The following KLC4 variants were observed in gnomAD, a reference collection of about 807,000 sequenced individuals.
KLC4 encodes the protein kinesin-like protein 8.
KLC4 carries 49 observed loss-of-function variants against 77.2 expected under a neutral mutation model. That is an observed-to-expected ratio of 0.63 (90% confidence interval 0.50 to 0.80). KLC4 has a LOEUF of 0.80. Among genes scored for constraint, KLC4 ranks in the 30% least tolerant of loss-of-function variants. The pLI, the probability that KLC4 is intolerant of heterozygous loss-of-function variation, is 0.00. For synonymous variants in KLC4, 274 were observed against 314.5 expected, an observed-to-expected ratio of 0.87 and a Z score of 1.36; for missense variants, 669 against 793.5, an observed-to-expected ratio of 0.84 and a Z score of 1.89.
At chr6:43,070,919 TG>T (rs1198029092) in intron 8 of KLC4, 54 bp downstream of exon 8, 6 of 70,398 alleles carry the variant, frequency 8.5e-5, no homozygotes, top group Middle Eastern at 3.7e-3. Flanking sequence ...GGCACAGAGG[TG>T]GGGGGAGGGG....
In KLC4 at chr6:43,074,609, T is replaced by C; in HGVS notation, c.1810-13T>C. The C allele has an allele frequency of 6.2e-7, 1 of 1,613,684 alleles. No homozygotes were observed. The highest frequency in any genetic ancestry group is 8.5e-7 in the Non-Finnish European group (1 of 1,179,638). On this transcript the variant is annotated splice_polypyrimidine_tract_variant and intron_variant, in intron 15 of 15. Transcript: ENST00000347162. ...AGGTCCCTGAGCTGATGGGGTAGTG[T>C]TGTCTGTTTCAGGTCTCCCGGGGCC...
chr6:43,070,756 A>G lies in KLC4; in HGVS notation c.1046A>G (p.Asn349Ser), dbSNP rs1765676146. ...AACAACCTGGCCCTCTTGTGCCAAA[A>G]CCAGGGCAAGTATGAGGCCGTGGAA... Reference protein sequence around the residue: ...QLNNLALLCQNQGKYEAVERY... With the variant: ...QLNNLALLCQSQGKYEAVERY... Residue 349 changes from asparagine to serine, a missense_variant, in exon 8 of 16, where the codon AAC becomes AGC. By Grantham distance (46) the Asn-to-Ser change is conservative (BLOSUM62 1). Coordinates refer to ENST00000347162, the MANE Select transcript of KLC4 (RefSeq NM_201521.3). 1 of 1,613,960 alleles carries G rather than the reference A, an allele frequency of 6.2e-7. No individual in the cohort carries two copies. The highest frequency in any genetic ancestry group is 1.3e-5 in the African/African-American group (1 of 74,888).
At position 43,070,879 on chromosome 6, in the gene KLC4, GACAAAGTA is replaced by G; in HGVS notation, c.1155+15_1155+22del. ...AAGAACAACCTGGTATGGGAGGAGG[GACAAAGTA>G]GGTGGAAGAAACGGAGAGGGGGGCA... On this transcript the variant is annotated intron_variant, in intron 8 of 15. Transcript: ENST00000347162. 1 of 1,205,160 alleles carries G rather than the reference GACAAAGTA, an allele frequency of 8.3e-7. No individual in the cohort carries two copies. The allele number at this position is 1,205,160 out of a possible 1,614,324, so 74.7% of individuals were successfully genotyped here.
intron 1 of KLC4, 67 bp from the exon 2 acceptor site, chr6:43,061,244 T>C: frequency 6.6e-7 from 1 of 1,513,984 alleles, no homozygotes. Context: ...CCCACCACTC[T>C]CTGAGAAAGT....
At position 43,070,343 on chromosome 6, in the gene KLC4, T is replaced by C. The variant is rs774913023; in HGVS notation, c.880-11T>C. ...CCCAAATGTCTGATGGGGACAGGCC[T>C]GTCTTCATAGGTGGCTGCCACACTC... On this transcript the variant is annotated splice_polypyrimidine_tract_variant and intron_variant, in intron 6 of 15. Transcript: ENST00000347162. 1 of 1,605,552 alleles carries C rather than the reference T, an allele frequency of 6.2e-7. No individual in the cohort carries two copies. Among genetic ancestry groups the C allele is most frequent in the Non-Finnish European group, 8.5e-7 (1 of 1,172,418 alleles).
chr6:43,067,111 A>ACCCC, intron 6 of KLC4, 28 bp downstream of exon 6: 1 of 1,034,416 alleles, frequency 9.7e-7, no homozygotes, highest in Non-Finnish European at 1.4e-6. Flanking sequence ...TCCCCACCCC[A>ACCCC]CGCCCCGCAC....
chr6:43,074,362 A>G, intron 15 of KLC4: 1 of 511,888 alleles, frequency 2.0e-6, no homozygotes, highest in Non-Finnish European at 3.4e-6. Flanking sequence ...TTTTAATGGC[A>G]AATGACTTCT....
intron 14 of KLC4, 131 bp downstream of exon 14, chr6:43,073,469 G>A: frequency 5.1e-6 from 3 of 590,660 alleles, no homozygotes; most frequent in East Asian, 3.1e-5. Context: ...TGGCCAACAA[G>A]GTGAAACTCT....
intron 5 of KLC4, among the ~76,000 whole-genome samples, chr6:43,066,778 C>T (rs551153568): frequency 3.7e-4 from 57 of 152,290 alleles, no homozygotes; most frequent in African/African-American, 1.3e-3. Context: ...TCCCCCTGCC[C>T]CCTTGCTTCT....
rs1464014999 is a variant in KLC4 at position 43,062,908 on chromosome 6, C to T, written c.259-9C>T. The T allele has an allele frequency of 6.2e-7, 1 of 1,611,218 alleles. No homozygotes were observed. The highest frequency in any genetic ancestry group is 1.3e-5 in the African/African-American group (1 of 74,888). ...CAGAATCTGGAGCTCAGGGGATGTG[C>T]CCACCTAGGTGATGCTGGCTCTAGC... On this transcript the variant is annotated splice_polypyrimidine_tract_variant and intron_variant, in intron 2 of 15. Transcript: ENST00000347162.
intron 4 of KLC4, 39 bp downstream of exon 4, chr6:43,065,740 G>GCCTCCTGCTGCCCCTTTT: frequency 6.8e-7 from 1 of 1,460,074 alleles, no homozygotes; most frequent in Non-Finnish European, 9.6e-7. Context: ...AAAAGGGGCA[G>GCCTCCTGCTGCCCCTTTT]CAGGAGGCTG....
intron 13 of KLC4, 103 bp from the exon 14 acceptor site, chr6:43,073,120 C>T: frequency 7.6e-7 from 1 of 1,310,604 alleles, no homozygotes; most frequent in African/African-American, 1.5e-5. Flanking sequence ...AGTCACTGGG[C>T]CTTGGGGGTG....
chr6:43,061,190 C>A, intron 1 of KLC4, 121 bp from the exon 2 acceptor site: 2 of 1,044,274 alleles, frequency 1.9e-6, no homozygotes, highest in Non-Finnish European at 2.8e-6. Flanking sequence ...CTCTCTCCAG[C>A]TAAGCCACAG....
Position 43,072,011 on chromosome 6 carries a change from G to A in KLC4, c.1379+89G>A, listed in dbSNP as rs942105506. On this transcript the variant is annotated intron_variant, in intron 11 of 15. Transcript: ENST00000347162. ...CTCCCAGACCTTTTCCCTTCCTCCCGTAGACTTTCCCTCAGCTTTAGCTCT... is the reference window on the plus strand; with the variant it reads ...CTCCCAGACCTTTTCCCTTCCTCCCATAGACTTTCCCTCAGCTTTAGCTCT... The A allele has an allele frequency of 4.9e-5, 71 of 1,435,588 alleles. 1 individual carries two copies. The African/African-American group carries it at 5.3e-4, about 11-fold the overall frequency. The allele number at this position is 1,435,588 out of a possible 1,614,324, so 88.9% of individuals were successfully genotyped here.
chr6:43,070,990 G>A, intron 8 of KLC4, 125 bp downstream of exon 8: 1 of 885,680 alleles, frequency 1.1e-6, no homozygotes, highest in South Asian at 1.7e-5. Context: ...CTGGCACACT[G>A]CTCTCATCAA....
intron 6 of KLC4, 109 bp from the exon 7 acceptor site, chr6:43,070,245 C>T: frequency 1.4e-6 from 1 of 706,326 alleles, no homozygotes; most frequent in Non-Finnish European, 2.5e-6. Context: ...GACTTTGTCT[C>T]TTAGAGTTGT....
Position 43,066,382 on chromosome 6 carries a change from C to T in KLC4, c.648C>T (p.Asn216=), listed in dbSNP as rs370945199. 170 of 1,614,198 alleles carry T rather than the reference C, an allele frequency of 1.1e-4. 2 individuals carry two copies. The Middle Eastern group carries it at 1.8e-3, about 17-fold the overall frequency. Reference sequence around the variant, plus strand: ...CAGCAAGGTTGCGGACGTTGCACAACCTGGTGATCCAGTACGCAGCCCAAG... The same window carrying T: ...CAGCAAGGTTGCGGACGTTGCACAATCTGGTGATCCAGTACGCAGCCCAAG... ...EIPARLRTLH[N]LVIQYAAQGR... Residue 216 remains asparagine, a synonymous_variant, in exon 5 of 16, where the codon AAC becomes AAT. Transcript: ENST00000347162.
intron 2 of KLC4, among the ~76,000 whole-genome samples, chr6:43,061,901 A>G (rs1287631168): frequency 6.6e-6 from 1 of 152,222 alleles, no homozygotes; most frequent in Non-Finnish European, 1.5e-5. Context: ...ATCAAAATAA[A>G]GCAGGGAAGG....
In KLC4 at chr6:43,074,798, ATTGCTGCTGC is replaced by A. The variant is rs1765910205; in HGVS notation, c.*127_*136del. 2.6e-6 allele frequency: 2 copies of A among 777,558 alleles called. No homozygotes were observed. The highest frequency in any genetic ancestry group is 4.5e-6 in the Non-Finnish European group (2 of 445,766). 48.2% of individuals were successfully genotyped at this position (777,558 alleles called of 1,614,324 possible). On this transcript the variant is annotated 3_prime_UTR_variant, in exon 16 of 16. Transcript: ENST00000347162. Reference sequence around the variant, plus strand: ...TGAAGGGGAGCAGTTTAACCAGAAGATTGCTGCTGCCCTTAGGGTCTCAGCTCCCTCCTCA... The same window carrying A: ...TGAAGGGGAGCAGTTTAACCAGAAGACCTTAGGGTCTCAGCTCCCTCCTCA...
Sources: gnomAD v4.1 joint callset for allele counts (sites outside exome capture counted in the v4.1 genomes callset) on GRCh38, gnomAD v4.1.1 for gene constraint, MANE v1.5 for transcripts, NCBI Gene and HGNC (gene_info 2026-07-23, HGNC 2026-07-21) for gene names.